Variants in PDE11A observed in about 807,000 individuals in gnomAD.
The protein encoded by PDE11A is phosphodiesterase 11A.
Under a neutral mutation model 100.5 loss-of-function variants are expected in PDE11A, and 100 were observed. The ratio of observed to expected loss-of-function variants is 1.00; its 90% CI spans 0.85 to 1.18. The LOEUF (loss-of-function observed/expected upper bound fraction) is 1.18. Ranked by LOEUF, PDE11A falls within the 50% of genes most tolerant of loss-of-function variation. The pLI, the probability that PDE11A is intolerant of heterozygous loss-of-function variation, is 0.00. For missense variants in PDE11A, 1,141 were observed against 1,152.6 expected, an observed-to-expected ratio of 0.99 and a Z score of 0.15; for synonymous variants, 381 against 420.8, an observed-to-expected ratio of 0.91 and a Z score of 1.16.
chr2:177,819,717 C>T (rs1025112073), intron 7 of PDE11A, among the ~76,000 whole-genome samples: 2 of 151,982 alleles, frequency 1.3e-5, no homozygotes, highest in African/African-American at 4.8e-5. Flanking sequence ...TCTTCCTTTG[C>T]CTTTACACCA....
At chr2:178,013,527 C>A (rs1043116563) in intron 2 of PDE11A, among the ~76,000 whole-genome samples, 1 of 152,082 alleles carries the variant, frequency 6.6e-6, no homozygotes, top group Non-Finnish European at 1.5e-5. Flanking sequence ...AATGACAAAC[C>A]CACATCCAGA....
intron 1 of PDE11A, among the ~76,000 whole-genome samples, chr2:178,051,709 A>G (rs1336674403): frequency 1.3e-5 from 2 of 152,220 alleles, no homozygotes; most frequent in East Asian, 3.8e-4. Context: ...CAGGGGTTGC[A>G]ATCCTAGTCT....
chr2:178,019,008 A>C (rs1038916452), intron 1 of PDE11A, among the ~76,000 whole-genome samples: 1 of 152,210 alleles, frequency 6.6e-6, no homozygotes, highest in Non-Finnish European at 1.5e-5. Context: ...CAATCTCTTA[A>C]ACAGAATTCA....
chr2:178,084,234 C>T (rs2087321806), intron 2 of PDE11A, among the ~76,000 whole-genome samples: 1 of 152,188 alleles, frequency 6.6e-6, no homozygotes, highest in Non-Finnish European at 1.5e-5. Context: ...TTTATTCTAA[C>T]CAGAATTACA....
chr2:177,818,731 ACTTT>A (rs2083085630), intron 7 of PDE11A, among the ~76,000 whole-genome samples: 1 of 152,076 alleles, frequency 6.6e-6, no homozygotes, highest in Admixed American at 6.6e-5. Context: ...ATGAGTGATT[ACTTT>A]TTCCAAACTT....
intron 6 of PDE11A, among the ~76,000 whole-genome samples, chr2:177,821,566 A>G (rs185304239): frequency 6.6e-6 from 1 of 151,974 alleles, no homozygotes; most frequent in East Asian, 1.9e-4. Flanking sequence ...TACTTGTACC[A>G]ATTTACCTTC....
intron 2 of PDE11A, among the ~76,000 whole-genome samples, chr2:177,996,773 C>T (rs2086081084): frequency 6.6e-6 from 1 of 152,154 alleles, no homozygotes; most frequent in Non-Finnish European, 1.5e-5. Flanking sequence ...AGTTACCCTT[C>T]TCCATATATT....
chr2:177,770,774 T>A (rs1433334451), intron 9 of PDE11A, among the ~76,000 whole-genome samples: 1 of 152,216 alleles, frequency 6.6e-6, no homozygotes, highest in African/African-American at 2.4e-5. Flanking sequence ...ATATACACAC[T>A]CACACATAAA....
intron 1 of PDE11A, among the ~76,000 whole-genome samples, chr2:178,030,813 G>A (rs2086536488): frequency 6.6e-6 from 1 of 152,174 alleles, no homozygotes; most frequent in Admixed American, 6.5e-5. Flanking sequence ...AGGAGGTTGA[G>A]GCTGCAGTGA....
intron 19 of PDE11A, among the ~76,000 whole-genome samples, chr2:177,632,209 G>A (rs4893973): frequency 0.87 from 132,567 of 152,276 alleles, 57,822 homozygotes; most frequent in East Asian, 0.98. Context: ...TAAGATACAC[G>A]TCTTGAAATT....
intron 2 of PDE11A, among the ~76,000 whole-genome samples, chr2:177,949,490 G>T (rs1475238570): frequency 1.3e-5 from 2 of 152,046 alleles, no homozygotes; most frequent in African/African-American, 4.8e-5. Flanking sequence ...GTAGGCATCT[G>T]GATTAACCAG....
At chr2:177,695,511 G>A (rs916788874) in intron 15 of PDE11A, among the ~76,000 whole-genome samples, 3 of 152,314 alleles carry the variant, frequency 2.0e-5, no homozygotes, top group South Asian at 2.1e-4. Context: ...AACCCTGGGT[G>A]TATGGCTTAT....
chr2:177,870,558 C>T (rs1456094689), intron 5 of PDE11A, among the ~76,000 whole-genome samples: 1 of 152,218 alleles, frequency 6.6e-6, no homozygotes, highest in African/African-American at 2.4e-5. Context: ...GCCTTAAAAT[C>T]ATTGAGCAAC....
chr2:177,689,810 T>C (rs2081016238), intron 15 of PDE11A, among the ~76,000 whole-genome samples: 1 of 152,120 alleles, frequency 6.6e-6, no homozygotes, highest in African/African-American at 2.4e-5. Flanking sequence ...ATGTTGAAAA[T>C]GGCAGAAGAT....
chr2:178,078,199 C>T (rs568985696), intron 2 of PDE11A, among the ~76,000 whole-genome samples: 2 of 152,034 alleles, frequency 1.3e-5, no homozygotes, highest in Non-Finnish European at 2.9e-5. Context: ...TCTCAAACTT[C>T]TTTTTTCCAT....
Position 178,096,164 on chromosome 2 carries a change from C to CTTTTTTTTTTTT in PDE11A, c.162+8137_162+8138insAAAAAAAAAAAA, listed in dbSNP as rs1257178630. ...TCCCCAGAAAACAGGTTTTTCTTTTCTTTTCTTTTTTTTTTTTGAGATGGA... is the reference window on the plus strand; with the variant it reads ...TCCCCAGAAAACAGGTTTTTCTTTTCTTTTTTTTTTTTTTTTCTTTTTTTTTTTTGAGATGGA... On this transcript the variant is annotated intron_variant, in intron 2 of 20. Coordinates refer to the PDE11A transcript ENST00000358450. 7.6e-4 allele frequency among the ~76,000 whole-genome samples: 84 copies of CTTTTTTTTTTTT among 110,218 alleles called. 1 individual carries two copies. The highest frequency in any genetic ancestry group is 9.1e-4 in the Non-Finnish European group (46 of 50,538). 72.3% of individuals were successfully genotyped at this position (110,218 alleles called of 152,430 possible).
chr2:178,003,083 C>T (rs1167913751), intron 2 of PDE11A, among the ~76,000 whole-genome samples: 1 of 152,116 alleles, frequency 6.6e-6, no homozygotes, highest in African/African-American at 2.4e-5. Context: ...TCGGAACCCT[C>T]ATACATTGCA....
intron 10 of PDE11A, among the ~76,000 whole-genome samples, chr2:177,762,148 G>A (rs1228727497): frequency 1.3e-5 from 2 of 152,144 alleles, no homozygotes; most frequent in South Asian, 4.2e-4. Flanking sequence ...GGGACTGCAT[G>A]TGGGGGCGGG....
At chr2:177,753,887 G>A (rs1375006005) in intron 10 of PDE11A, among the ~76,000 whole-genome samples, 1 of 151,770 alleles carries the variant, frequency 6.6e-6, no homozygotes, top group East Asian at 1.9e-4. Flanking sequence ...TGAAAGCATT[G>A]CTTCATCTGA....
Sources: gnomAD v4.1 joint callset for allele counts (sites outside exome capture counted in the v4.1 genomes callset) on GRCh38, gnomAD v4.1.1 for gene constraint, MANE v1.5 for transcripts, NCBI Gene and HGNC (gene_info 2026-07-23, HGNC 2026-07-21) for gene names.